COL1A2: variants seen among roughly 807,000 people sequenced by gnomAD.
COL1A2 encodes collagen type I alpha 2 chain, also known as collagen alpha-2(I) chain.
COL1A2 carries 49 observed loss-of-function variants against 174.3 expected under a neutral mutation model. The observed-to-expected ratio is 0.28, with a 90% CI of 0.22 to 0.36. COL1A2 has a LOEUF of 0.36. Ranked by LOEUF, COL1A2 falls within the 10% of genes least tolerant of loss-of-function variation. The probability of loss-of-function intolerance (pLI) is 1.00; values close to 1 mark genes in which losing one functional copy is unlikely to be tolerated. For synonymous variants in COL1A2, 655 were observed against 606.6 expected, an observed-to-expected ratio of 1.08 and a Z score of -1.17; for missense variants, 1,438 against 1,822.7, an observed-to-expected ratio of 0.79 and a Z score of 3.84.
In COL1A2 at chr7:94,408,819, C is replaced by T; in HGVS notation, c.788C>T (p.Pro263Leu). The change falls in exon 16 of 52, where the codon CCC becomes CTC. Residue 263 changes from proline (P) to leucine (L), a missense_variant. Transcript: ENST00000297268. ...CCAGGCTTCCCAGGTGCCCCTGGCC[C>T]CAAGGTAAAAACACTGGTGACCATT... ...GPPGFPGAPGPKGEIGAVGNA... is the reference protein window; with the variant it reads ...GPPGFPGAPGLKGEIGAVGNA... 1 of 1,614,076 alleles carries T rather than the reference C, an allele frequency of 6.2e-7. No individual in the cohort carries two copies. Among genetic ancestry groups the T allele is most frequent in the South Asian group, 1.1e-5 (1 of 91,060 alleles).
At chr7:94,424,026 T>C (rs978135244) in intron 40 of COL1A2, 1 of 343,126 alleles carries the variant, frequency 2.9e-6, no homozygotes, top group African/African-American at 2.1e-5. Context: ...TTAAATTTTT[T>C]TATTTGTTTC....
intron 38 of COL1A2, 53 bp downstream of exon 38, chr7:94,421,115 G>A: frequency 1.3e-6 from 2 of 1,588,774 alleles, no homozygotes; most frequent in Non-Finnish European, 1.7e-6. Context: ...AATCTATTAA[G>A]GACACTTGAA....
In COL1A2 at chr7:94,410,518, T is replaced by A; in HGVS notation, c.1188T>A (p.Pro396=). The A allele has an allele frequency of 6.5e-7, 1 of 1,549,574 alleles. No individual in the cohort carries two copies. Among genetic ancestry groups the A allele is most frequent in the Non-Finnish European group, 8.7e-7 (1 of 1,146,776 alleles). Residue 396 remains proline (P), a synonymous_variant, in exon 21 of 52, where the codon CCT becomes CCA. Coordinates refer to ENST00000297268, the MANE Select transcript of COL1A2 (RefSeq NM_000089.4). ...GATCTGCCGGCCCTCCAGGACCTCC[T>A]GGGCTGAGAGTAGGTTTCAAATGCT... The part of the protein sequence containing the change: ...EAGSAGPPGP[P]GLRGSPGSRG...
chr7:94,396,880 C>T (rs1791595362), intron 1 of COL1A2, among the ~76,000 whole-genome samples: 1 of 152,180 alleles, frequency 6.6e-6, no homozygotes. Flanking sequence ...ATTCATCCTA[C>T]TGCAAGCTTG....
At chr7:94,401,305 G>C (rs1223496516) in intron 5 of COL1A2, among the ~76,000 whole-genome samples, 1 of 152,064 alleles carries the variant, frequency 6.6e-6, no homozygotes, top group Non-Finnish European at 1.5e-5. Flanking sequence ...CCGAGTTAAG[G>C]CAGAGGAAGG....
intron 12 of COL1A2, among the ~76,000 whole-genome samples, chr7:94,407,169 A>G (rs1791820059): frequency 6.6e-6 from 1 of 152,174 alleles, no homozygotes; most frequent in South Asian, 2.1e-4. Flanking sequence ...AGAAAGTCAT[A>G]GGCTAGAAAT....
intron 37 of COL1A2, 61 bp from the exon 38 acceptor site, chr7:94,420,946 GAA>G: frequency 6.8e-7 from 1 of 1,475,934 alleles, no homozygotes; most frequent in Non-Finnish European, 9.5e-7. Flanking sequence ...TCCACTTGAA[GAA>G]AAGAGTAGCA....
intron 45 of COL1A2, among the ~76,000 whole-genome samples, 160 bp from the exon 46 acceptor site, chr7:94,426,263 G>A (rs1386516946): frequency 6.6e-6 from 1 of 152,196 alleles, no homozygotes; most frequent in East Asian, 1.9e-4. Flanking sequence ...CCACTTTACA[G>A]ATAGCACAAC....
At position 94,409,766 on chromosome 7, in the gene COL1A2, G is replaced by C; in HGVS notation, c.980G>C (p.Arg327Pro). ...VAGAPGLPGP[R>P]GIPGPVGAAG... ...GGGGCTCCCGGCCTCCCTGGACCCC[G>C]CGGTATTCCTGGCCCTGTTGGTGCT... Residue 327 changes from arginine (R) to proline (P), a missense_variant, in exon 19 of 52, where the codon CGC becomes CCC. Arg to Pro is a moderately radical substitution (Grantham distance 103). This residue lies in a region of COL1A2 where 867 missense variants were observed against 1,213.7 expected (regional missense o/e 0.71). Transcript: ENST00000297268. 1 of 1,614,102 alleles carries C rather than the reference G, an allele frequency of 6.2e-7. No individual in the cohort carries two copies. Among genetic ancestry groups the C allele is most frequent in the South Asian group, 1.1e-5 (1 of 91,072 alleles).
In COL1A2 at chr7:94,400,131, A is replaced by G. The variant is rs1791660569; in HGVS notation, c.133-65A>G. ...AAAGGTCTGAACAACTGATCTTACCACATATAATTCTTAGGTTTCTACAGG... is the reference window on the plus strand; with the variant it reads ...AAAGGTCTGAACAACTGATCTTACCGCATATAATTCTTAGGTTTCTACAGG... On this transcript the variant is annotated intron_variant, in intron 4 of 51. Coordinates refer to ENST00000297268, the MANE Select transcript of COL1A2 (RefSeq NM_000089.4). The G allele has an allele frequency of 2.8e-6, 4 of 1,444,242 alleles. No individual in the cohort carries two copies. The South Asian group carries it at 4.6e-5, about 16-fold the overall frequency. The allele number at this position is 1,444,242 out of a possible 1,614,324, so 89.5% of individuals were successfully genotyped here.
intron 26 of COL1A2, 115 bp from the exon 27 acceptor site, chr7:94,413,575 T>C (rs1332004452): frequency 2.9e-6 from 3 of 1,050,666 alleles, no homozygotes; most frequent in African/African-American, 3.1e-5. Flanking sequence ...CACAATGAGT[T>C]TAATTCATGC....
chr7:94,402,338 A>G (rs1010107557), intron 6 of COL1A2, among the ~76,000 whole-genome samples: 7 of 152,126 alleles, frequency 4.6e-5, no homozygotes, highest in African/African-American at 1.4e-4. Flanking sequence ...AGGAGTTAAC[A>G]ATATAGGAAA....
intron 37 of COL1A2, 158 bp downstream of exon 37, chr7:94,420,806 T>A (rs552141166): frequency 8.7e-4 from 796 of 910,790 alleles, no homozygotes; most frequent in Non-Finnish European, 1.2e-3. Context: ...TTACAAAGTA[T>A]AAAAGTTTCA....
At chr7:94,401,475 A>G in intron 5 of COL1A2, 92 bp from the exon 6 acceptor site, 1 of 514,482 alleles carries the variant, frequency 1.9e-6, no homozygotes, top group Non-Finnish European at 2.8e-6. Flanking sequence ...CAACAGAAAA[A>G]TATTTACAAG....
chr7:94,400,120 C>A, intron 4 of COL1A2, 76 bp from the exon 5 acceptor site: 2 of 1,372,468 alleles, frequency 1.5e-6, no homozygotes, highest in Non-Finnish European at 2.1e-6. Flanking sequence ...GTCTGAACAA[C>A]TGATCTTACC....
rs761354203 is a variant in COL1A2 at position 94,399,068 on chromosome 7, G to C, written c.116G>C (p.Gly39Ala). The C allele has an allele frequency of 6.2e-7, 1 of 1,613,168 alleles. No homozygotes were observed. The highest frequency in any genetic ancestry group is 2.2e-5 in the East Asian group (1 of 44,842). ...CTGTAGGGCCCAGCCGGAGATAGAG[G>C]ACCACGTGGAGAAAGGGTGTGTAAT... ...TVRKGPAGDR[G>A]PRGERGPPGP... The change falls in exon 4 of 52, where the codon GGA (glycine) becomes GCA (alanine). Residue 39 changes from glycine to alanine, a missense_variant. Transcript: ENST00000297268.
chr7:94,426,988 T>C lies in COL1A2; in HGVS notation c.3106-20T>C. On this transcript the variant is annotated intron_variant, in intron 46 of 51. Coordinates refer to ENST00000297268, the MANE Select transcript of COL1A2 (RefSeq NM_000089.4). ...TGACATGTGCTCTGAAAGTGTGATT[T>C]TCCTCTTCTGTCTTTAAAGGGTCAC... 1 of 1,612,896 alleles carries C rather than the reference T, an allele frequency of 6.2e-7. No individual in the cohort carries two copies. Among genetic ancestry groups the C allele is most frequent in the Admixed American group, 1.7e-5 (1 of 60,008 alleles).
chr7:94,410,417 C>T lies in COL1A2; in HGVS notation c.1090-3C>T, dbSNP rs1305501289. ...CTCTTCTTTTGTTCTTTTCATTAAACAGGGCTCTGCTGGGCCCCAAGGTCC... is the reference window on the plus strand; with the variant it reads ...CTCTTCTTTTGTTCTTTTCATTAAATAGGGCTCTGCTGGGCCCCAAGGTCC... On this transcript the variant is annotated splice_polypyrimidine_tract_variant and splice_region_variant and intron_variant, in intron 20 of 51. Coordinates refer to ENST00000297268, the MANE Select transcript of COL1A2 (RefSeq NM_000089.4). The T allele has an allele frequency of 6.4e-7, 1 of 1,552,308 alleles. No homozygotes were observed. The highest frequency in any genetic ancestry group is 1.2e-5 in the South Asian group (1 of 84,124).
At position 94,431,080 on chromosome 7, in the gene COL1A2, G is replaced by C. The variant is rs918502944; in HGVS notation, c.*687G>C. 2 of 152,386 alleles carry C rather than the reference G, an allele frequency of 1.3e-5. No homozygotes were observed. The highest frequency in any genetic ancestry group is 2.9e-5 in the Non-Finnish European group (2 of 68,002). 9.4% of individuals were successfully genotyped at this position (152,386 alleles called of 1,614,324 possible). ...CAGATTCAGCATTTGTTCTTTGCCA[G>C]TCTCATTTTCATCTTCTTCCATGGT... On this transcript the variant is annotated 3_prime_UTR_variant, in exon 52 of 52. Transcript: ENST00000297268.
Sources: gnomAD v4.1 joint callset for allele counts (sites outside exome capture counted in the v4.1 genomes callset) on GRCh38, gnomAD v4.1.1 for gene constraint, gnomAD v4.1.1 regional missense constraint, MANE v1.5 for transcripts, NCBI Gene and HGNC (gene_info 2026-07-23, HGNC 2026-07-21) for gene names.